Variants in BUB3 observed in about 807,000 individuals in gnomAD.
The protein encoded by BUB3 is BUB3 mitotic checkpoint protein, also known as mitotic checkpoint protein BUB3.
A neutral mutation model predicts 39.9 loss-of-function variants in BUB3; 22 were observed. That is an observed-to-expected ratio of 0.55 (90% CI 0.39 to 0.79). The LOEUF (loss-of-function observed/expected upper bound fraction) is 0.79, where lower values mean the gene tolerates loss of function less well. Among genes scored for constraint, BUB3 ranks in the 30% least tolerant of loss-of-function variants. The probability of loss-of-function intolerance (pLI) is 0.00; values close to 1 mark genes in which losing one functional copy is unlikely to be tolerated. For missense variants in BUB3, 303 were observed against 415.4 expected (o/e 0.73, Z 2.35); for synonymous variants, 168 against 155.1 (o/e 1.08, Z -0.62).
chr10:123,160,960 T>C (rs1220479778), intron 5 of BUB3, among the ~76,000 whole-genome samples: 1 of 152,186 alleles, frequency 6.6e-6, no homozygotes, highest in African/African-American at 2.4e-5. Flanking sequence ...GAATTTGCTG[T>C]TTTCTTTTTG....
rs1185024205 is a variant in BUB3, at chr10:123,166,436, G to A, written c.*2601G>A. 1 of 152,200 alleles carries A rather than the reference G, an allele frequency of 6.6e-6. No individual in the cohort carries two copies. The highest frequency in any genetic ancestry group is 2.4e-5 in the African/African-American group (1 of 41,442). The allele number at this position is 152,200 out of a possible 1,614,324, so 9.4% of individuals were successfully genotyped here. A position where few individuals can be genotyped will look rare whatever the true frequency, so the allele number is the denominator to read the frequency against. On this transcript the variant is annotated 3_prime_UTR_variant, in exon 8 of 8. Coordinates refer to ENST00000368865, the MANE Select transcript of BUB3 (RefSeq NM_004725.4). The stretch of plus-strand genomic sequence containing the variant: ...GAAATATGACTTGCCCTTCTTGCAT[G>A]CGATGTATCTGGTGCATGTGTGCAT...
Position 123,163,895 on chromosome 10 carries a change from T to C in BUB3, c.*60T>C. The stretch of plus-strand genomic sequence containing the variant: ...TAATAAAACAATTCGTACTCCCCAA[T>C]GGTGGATTTATTACTATTAAAGAAA... On this transcript the variant is annotated 3_prime_UTR_variant, in exon 8 of 8. Transcript: ENST00000368865. 6.5e-7 allele frequency: 1 copy of C among 1,533,726 alleles called. No homozygotes were observed. The highest frequency in any genetic ancestry group is 8.9e-7 in the Non-Finnish European group (1 of 1,126,094).
At chr10:123,163,789 A>T in intron 7 of BUB3, 31 bp from the exon 8 acceptor site, 5 of 1,583,738 alleles carry the variant, frequency 3.2e-6, no homozygotes, top group Non-Finnish European at 4.3e-6. Context: ...TTTTGATCTC[A>T]TGCTGTTCTT....
Position 123,156,753 on chromosome 10 carries a change from G to GTTTTTTTTTTTTTTTT in BUB3, c.266-965_266-964insTTTTTTTTTTTTTTTT, listed in dbSNP as rs756642442. On this transcript the variant is annotated intron_variant, in intron 3 of 7. Coordinates refer to ENST00000368865, the MANE Select transcript of BUB3 (RefSeq NM_004725.4). ...ATGAAATCCTTTCTTTTTCTTTCTT[G>GTTTTTTTTTTTTTTTT]TTTTTTTTTTTGAGCTAGAGTCTCA... 9.1e-3 allele frequency among the ~76,000 whole-genome samples: 1,228 copies of GTTTTTTTTTTTTTTTT among 134,768 alleles called. 57 individuals carry two copies. Among genetic ancestry groups the GTTTTTTTTTTTTTTTT allele is most frequent in the Non-Finnish European group, 0.014 (913 of 63,296 alleles). 88.4% of individuals were successfully genotyped at this position (134,768 alleles called of 152,430 possible).
Position 123,163,951 on chromosome 10 carries a change from C to T in BUB3, c.*116C>T. 2 of 1,332,870 alleles carry T rather than the reference C, an allele frequency of 1.5e-6. No homozygotes were observed. The highest frequency in any genetic ancestry group is 3.9e-5 in the South Asian group (2 of 51,750). The allele number at this position is 1,332,870 out of a possible 1,614,324, so 82.6% of individuals were successfully genotyped here. ...GAAAATATTAATTTTAATATTATAA[C>T]AACCTGAAAATAATGGAAAAGAGGT... On this transcript the variant is annotated 3_prime_UTR_variant, in exon 8 of 8. Coordinates refer to ENST00000368865, the MANE Select transcript of BUB3 (RefSeq NM_004725.4).
rs1410182051 is a variant in BUB3, at chr10:123,164,523, TGA to T, written c.*690_*691del. The T allele has an allele frequency of 4.1e-6, 4 of 985,726 alleles. No individual in the cohort carries two copies. Among genetic ancestry groups the T allele is most frequent in the Non-Finnish European group, 4.8e-6 (4 of 830,230 alleles). The allele number at this position is 985,726 out of a possible 1,614,324, so 61.1% of individuals were successfully genotyped here. ...ATTGATCCCAGAAGGGCAAATTGTT[TGA>T]GTCAGTAATGAGCTGAGAAAAGACA... On this transcript the variant is annotated 3_prime_UTR_variant, in exon 8 of 8. Coordinates refer to ENST00000368865, the MANE Select transcript of BUB3 (RefSeq NM_004725.4).
rs752847658 is a variant in BUB3, at chr10:123,154,993, A to C, written c.76A>C (p.Thr26Pro). ...GISSVKFSPNTSQFLLVSSWD... is the reference protein window; with the variant it reads ...GISSVKFSPNPSQFLLVSSWD... ...CTCCTCCGTGAAGTTCAGCCCCAAC[A>C]CCTCCCAGTTCCTGCTTGTCTCCTC... The change falls in exon 2 of 8, where the codon ACC (threonine) becomes CCC (proline). Residue 26 changes from threonine (T) to proline (P), a missense_variant. Transcript: ENST00000368865. 1.2e-6 allele frequency: 2 copies of C among 1,613,586 alleles called. No homozygotes were observed. The highest frequency in any genetic ancestry group is 1.7e-6 in the Non-Finnish European group (2 of 1,179,916).
intron 6 of BUB3, 71 bp downstream of exon 6, chr10:123,162,484 G>GA (rs939059288): frequency 1.4e-5 from 22 of 1,566,928 alleles, no homozygotes; most frequent in South Asian, 2.3e-5. Context: ...GGTATTTAGT[G>GA]AAAAAAAATC....
intron 7 of BUB3, 48 bp downstream of exon 7, chr10:123,162,876 G>GA (rs1317394541): frequency 6.5e-7 from 1 of 1,542,424 alleles, no homozygotes; most frequent in African/African-American, 1.4e-5. Context: ...ATTCAACCCA[G>GA]GATTTATTAA....
At chr10:123,154,895 G>T in intron 1 of BUB3, 23 bp from the exon 2 acceptor site, 1 of 1,456,386 alleles carries the variant, frequency 6.9e-7, no homozygotes, top group Non-Finnish European at 9.4e-7. Context: ...GACCCCTGGG[G>T]ACTCTGGGCG....
In BUB3 at chr10:123,162,670, A is replaced by G. The variant is rs754952400; in HGVS notation, c.813A>G (p.Gln271=). The change falls in exon 7 of 8, where the codon CAA becomes CAG. Residue 271 remains glutamine (Q), a synonymous_variant. Transcript: ENST00000368865. Reference sequence around the variant, plus strand: ...CATTTAACAAAAAGCGACTGTGCCAATTCCATCGGTACCCCACGAGCATCG... The same window carrying G: ...CATTTAACAAAAAGCGACTGTGCCAGTTCCATCGGTACCCCACGAGCATCG... ...WDPFNKKRLC[Q]FHRYPTSIAS... The G allele has an allele frequency of 3.1e-6, 5 of 1,604,844 alleles. No individual in the cohort carries two copies. The highest frequency in any genetic ancestry group is 2.3e-5 in the South Asian group (2 of 88,712).
At position 123,159,656 on chromosome 10, in the gene BUB3, A is replaced by G. The variant is rs557564971; in HGVS notation, c.418-751A>G. Among the ~76,000 whole-genome samples, 453 of 152,326 alleles carry G rather than the reference A, an allele frequency of 3.0e-3. 1 individual carries two copies. Among genetic ancestry groups the G allele is most frequent in the Middle Eastern group, 0.01 (3 of 294 alleles). Reference sequence around the variant, plus strand: ...AAGGAATTTTTGTGGAAAGTTTAATATTGAAGAAAGACATTATAAGGGGAA... The same window carrying G: ...AAGGAATTTTTGTGGAAAGTTTAATGTTGAAGAAAGACATTATAAGGGGAA... On this transcript the variant is annotated intron_variant, in intron 4 of 7. Coordinates refer to ENST00000368865, the MANE Select transcript of BUB3 (RefSeq NM_004725.4).
Position 123,164,374 on chromosome 10 carries a change from G to A in BUB3, c.*539G>A, listed in dbSNP as rs1417342245. On this transcript the variant is annotated 3_prime_UTR_variant, in exon 8 of 8. Transcript: ENST00000368865. ...CATTTCCTGGGCTGTTAAACAAAGC[G>A]AGGTTAAGGTTAGACTCTTGGGAAT... The A allele has an allele frequency of 2.0e-6, 2 of 985,592 alleles. No individual in the cohort carries two copies. Among genetic ancestry groups the A allele is most frequent in the Non-Finnish European group, 2.4e-6 (2 of 830,186 alleles). The allele number at this position is 985,592 out of a possible 1,614,324, so 61.1% of individuals were successfully genotyped here. A position where few individuals can be genotyped will look rare whatever the true frequency, so the allele number is the denominator to read the frequency against.
chr10:123,158,100 A>G (rs1844373179), intron 4 of BUB3, among the ~76,000 whole-genome samples: 1 of 152,242 alleles, frequency 6.6e-6, no homozygotes. Context: ...GTCAGTTGTT[A>G]TATTTGCTTC....
chr10:123,159,514 A>G (rs573425762), intron 4 of BUB3, among the ~76,000 whole-genome samples: 3 of 152,284 alleles, frequency 2.0e-5, no homozygotes, highest in East Asian at 3.9e-4. Context: ...GATCAGGAGA[A>G]TATTTTTTTG....
At position 123,163,734 on chromosome 10, in the gene BUB3, T is replaced by G. The variant is rs572400594; in HGVS notation, c.972-86T>G. The stretch of plus-strand genomic sequence containing the variant: ...AAGCCTGTTGGATAAAGGGCTGTGT[T>G]TGCATTTAATCTGTCACTTTTGTAT... On this transcript the variant is annotated intron_variant, in intron 7 of 7. Coordinates refer to ENST00000368865, the MANE Select transcript of BUB3 (RefSeq NM_004725.4). 3.0e-5 allele frequency: 37 copies of G among 1,251,936 alleles called. No individual in the cohort carries two copies. In the South Asian group the frequency reaches 4.2e-4, roughly 14 times the overall value. 77.6% of individuals were successfully genotyped at this position (1,251,936 alleles called of 1,614,324 possible).
chr10:123,165,163 C>G lies in BUB3; in HGVS notation c.*1328C>G. On this transcript the variant is annotated 3_prime_UTR_variant, in exon 8 of 8. Coordinates refer to ENST00000368865, the MANE Select transcript of BUB3 (RefSeq NM_004725.4). Reference sequence around the variant, plus strand: ...GAGTTACTGTGGATTTCTCTGTTTTCTGTCTTACAAGAAACTTGTCTATGT... The same window carrying G: ...GAGTTACTGTGGATTTCTCTGTTTTGTGTCTTACAAGAAACTTGTCTATGT... 3 of 1,375,658 alleles carry G rather than the reference C, an allele frequency of 2.2e-6. No homozygotes were observed. Among genetic ancestry groups the G allele is most frequent in the Non-Finnish European group, 3.1e-6 (3 of 976,240 alleles). The allele number at this position is 1,375,658 out of a possible 1,614,324, so 85.2% of individuals were successfully genotyped here.
chr10:123,155,062 A>G lies in BUB3; in HGVS notation c.145A>G (p.Met49Val), dbSNP rs758572057. The change falls in exon 2 of 8, where the codon ATG becomes GTG. Residue 49 changes from methionine to valine, a missense_variant. This residue lies in a region of BUB3 where 121 missense variants were observed against 122.3 expected (regional missense o/e 0.99). Coordinates refer to ENST00000368865, the MANE Select transcript of BUB3 (RefSeq NM_004725.4). ...VRLYDVPANS[M>V]RLKYQHTGAV... Reference sequence around the variant, plus strand: ...TCTCTACGATGTGCCGGCCAACTCCATGCGGCTCAAGTACCAGCACACCGG... The same window carrying G: ...TCTCTACGATGTGCCGGCCAACTCCGTGCGGCTCAAGTACCAGCACACCGG... 22 of 1,614,110 alleles carry G rather than the reference A, an allele frequency of 1.4e-5. No homozygotes were observed. Among genetic ancestry groups the G allele is most frequent in the Non-Finnish European group, 1.9e-5 (22 of 1,180,012 alleles).
In BUB3 at chr10:123,155,115, A is replaced by G. The variant is rs777067904; in HGVS notation, c.195+3A>G. 2 of 1,613,250 alleles carry G rather than the reference A, an allele frequency of 1.2e-6. No homozygotes were observed. Among genetic ancestry groups the G allele is most frequent in the South Asian group, 2.2e-5 (2 of 91,050 alleles). The stretch of plus-strand genomic sequence containing the variant: ...CCGTCCTGGACTGCGCCTTCTACGT[A>G]GGTGCCCTCCCGCCCTGCTCCTGCC... On this transcript the variant is annotated splice_donor_region_variant and intron_variant, in intron 2 of 7. Transcript: ENST00000368865.
Sources: allele counts gnomAD v4.1 joint callset (sites outside exome capture counted in the v4.1 genomes callset), GRCh38; gene constraint gnomAD v4.1.1; regional missense constraint gnomAD v4.1.1; transcripts MANE v1.5; gene names NCBI Gene and HGNC (gene_info 2026-07-23, HGNC 2026-07-21).